NAV1: variants seen among roughly 807,000 people sequenced by gnomAD.
NAV1 encodes the protein pore membrane and/or filament interacting like protein 3.
In NAV1, 18 loss-of-function variants were observed where a neutral mutation model predicts 175.2. The observed-to-expected ratio is 0.10, with a 90% CI of 0.07 to 0.15. The LOEUF is 0.15. Among genes scored for constraint, NAV1 ranks in the 10% least tolerant of loss-of-function variants. NAV1 has a pLI of 1.00. For synonymous variants in NAV1, 897 were observed against 978.7 expected (o/e 0.92, Z 1.56); for missense variants, 1,731 against 2,436.6 (o/e 0.71, Z 6.10).
chr1:201,648,290 A>T, exon 1 of NAV1: 1 of 1,097,926 alleles, frequency 9.1e-7, no homozygotes, highest in Non-Finnish European at 1.1e-6. Context: ...TGGGATCCGG[A>T]CACCAAAGCA....
intron 1 of NAV1, among the ~76,000 whole-genome samples, chr1:201,681,075 A>G (rs1422052575): frequency 6.6e-6 from 1 of 151,856 alleles, no homozygotes; most frequent in Non-Finnish European, 1.5e-5. Context: ...TCACCCCCAT[A>G]CACTCCTCTG....
chr1:201,639,638 C>T (rs1190997966), intron 2 of NAV1, among the ~76,000 whole-genome samples: 1 of 152,120 alleles, frequency 6.6e-6, no homozygotes, highest in East Asian at 1.9e-4. Context: ...GAAGGAGGGG[C>T]CAGTTTTTTG....
At chr1:201,553,495 C>A (rs975915076) in intron 1 of NAV1, among the ~76,000 whole-genome samples, 1 of 152,224 alleles carries the variant, frequency 6.6e-6, no homozygotes, top group East Asian at 1.9e-4. Flanking sequence ...GGAGGGAATC[C>A]TTTTCTCTTC....
chr1:201,718,940 T>C lies in NAV1; in HGVS notation c.1226+185T>C, dbSNP rs1364237018. Among the ~76,000 whole-genome samples the C allele has an allele frequency of 1.3e-5, 2 of 152,020 alleles. No individual in the cohort carries two copies. The highest frequency in any genetic ancestry group is 2.9e-5 in the Non-Finnish European group (2 of 68,000). On this transcript the variant is annotated intron_variant, in intron 3 of 29. Coordinates refer to ENST00000367296, the Ensembl canonical transcript of NAV1. The surrounding 1 kb of genome is among the most constrained non-coding windows in gnomAD (Gnocchi z 4.8). ...AAATTCGATGTGGTTTATTCTAGAC[T>C]TGGGTGTGGTGTAGGCAGGGCCTAC...
intron 3 of NAV1, among the ~76,000 whole-genome samples, chr1:201,743,727 C>T (rs1358326081): frequency 1.3e-5 from 2 of 152,068 alleles, no homozygotes; most frequent in African/African-American, 2.4e-5. Context: ...TGGAACAGTT[C>T]CCAGCTTAGA....
intron 2 of NAV1, among the ~76,000 whole-genome samples, chr1:201,604,793 A>AGAAG (rs150180381): frequency 0.06 from 9,067 of 151,410 alleles, 430 homozygotes; most frequent in East Asian, 0.24. Flanking sequence ...AAAGAAGGAA[A>AGAAG]GAAGGAAGGA....
intron 2 of NAV1, among the ~76,000 whole-genome samples, chr1:201,609,717 G>A (rs1332920505): frequency 6.6e-6 from 1 of 152,170 alleles, no homozygotes; most frequent in Non-Finnish European, 1.5e-5. Context: ...TCTGCACTGA[G>A]CTCTCCCAGC....
At chr1:201,606,248 G>A (rs1478575833) in intron 2 of NAV1, among the ~76,000 whole-genome samples, 3 of 152,198 alleles carry the variant, frequency 2.0e-5, no homozygotes, top group African/African-American at 7.2e-5. Context: ...CCCTTGTGAA[G>A]GCAAGGACTT....
intron 1 of NAV1, among the ~76,000 whole-genome samples, chr1:201,681,928 A>G (rs1670481967): frequency 6.6e-6 from 1 of 152,182 alleles, no homozygotes; most frequent in Admixed American, 6.5e-5. Flanking sequence ...GAGCCTGGCC[A>G]ATGTGGTGAA....
chr1:201,696,594 T>TA (rs887887116), intron 1 of NAV1, among the ~76,000 whole-genome samples: 3 of 152,228 alleles, frequency 2.0e-5, no homozygotes, highest in African/African-American at 7.2e-5. Context: ...GGCAGTTCTG[T>TA]ATCTCATTCA....
At chr1:201,806,981 C>A (rs572179887) in intron 17 of NAV1, among the ~76,000 whole-genome samples, 3 of 152,230 alleles carry the variant, frequency 2.0e-5, no homozygotes, top group South Asian at 4.1e-4. Context: ...CCCCTATAAC[C>A]TTTGACCCCT....
At chr1:201,561,902 T>C (rs1278379346) in intron 1 of NAV1, among the ~76,000 whole-genome samples, 1 of 152,234 alleles carries the variant, frequency 6.6e-6, no homozygotes, top group Non-Finnish European at 1.5e-5. Flanking sequence ...AGCATGAGAC[T>C]ATCAATGGTT....
At chr1:201,603,954 C>T (rs1667597091) in intron 2 of NAV1, among the ~76,000 whole-genome samples, 1 of 152,226 alleles carries the variant, frequency 6.6e-6, no homozygotes, top group Non-Finnish European at 1.5e-5. Context: ...ACAAAAATAA[C>T]CGTGTGATTG....
At chr1:201,582,815 G>A (rs1666904688) in intron 1 of NAV1, among the ~76,000 whole-genome samples, 1 of 152,218 alleles carries the variant, frequency 6.6e-6, no homozygotes, top group South Asian at 2.1e-4. Flanking sequence ...CTGGTCAACA[G>A]CCCCTGCCTG....
At position 201,740,799 on chromosome 1, in the gene NAV1, G is replaced by A. The variant is rs1472292760; in HGVS notation, c.1226+22044G>A. ...AGAGGCTCCTTCATAAAGGGGAAGT[G>A]AGTGTAACCACAGCTGGCCCTGGGA... On this transcript the variant is annotated intron_variant, in intron 3 of 29. Transcript: ENST00000367296. The surrounding 1 kb of genome is among the most constrained non-coding windows in gnomAD (Gnocchi z 4.7). Among the ~76,000 whole-genome samples the A allele has an allele frequency of 6.6e-6, 1 of 152,074 alleles. No individual in the cohort carries two copies. Among genetic ancestry groups the A allele is most frequent in the Non-Finnish European group, 1.5e-5 (1 of 68,004 alleles).
In NAV1 at chr1:201,694,651, C is replaced by G. The variant is rs1032088104; in HGVS notation, c.758-18166C>G. Among the ~76,000 whole-genome samples the G allele has an allele frequency of 6.6e-6, 1 of 152,090 alleles. No homozygotes were observed. The highest frequency in any genetic ancestry group is 2.4e-5 in the African/African-American group (1 of 41,420). ...CTATTGACAAAGATGAGAAGTGAACCGGGAGCCGTAAATAGCCAGGAGCCT... is the reference window on the plus strand; with the variant it reads ...CTATTGACAAAGATGAGAAGTGAACGGGGAGCCGTAAATAGCCAGGAGCCT... On this transcript the variant is annotated intron_variant, in intron 1 of 29. Transcript: ENST00000367296. The surrounding 1 kb of genome is among the most constrained non-coding windows in gnomAD (Gnocchi z 4.2).
At chr1:201,611,310 G>A (rs1667838821) in intron 2 of NAV1, among the ~76,000 whole-genome samples, 1 of 152,174 alleles carries the variant, frequency 6.6e-6, no homozygotes, top group South Asian at 2.1e-4. Context: ...AGGAGGATGG[G>A]CTCAAATCCT....
At chr1:201,664,049 T>C (rs6662716) in intron 1 of NAV1, among the ~76,000 whole-genome samples, 3,085 of 152,218 alleles carry the variant, frequency 0.02, 107 homozygotes, top group African/African-American at 0.063. Context: ...ATTACTCTAT[T>C]GGGTTCTGGG....
chr1:201,689,742 T>TACA lies in NAV1; in HGVS notation c.758-23064_758-23062dup, dbSNP rs567607927. ...CCCTAATAAAGCACCTTTTATTAAA[T>TACA]ACAACAACAACAAAATCTCAACCTA... On this transcript the variant is annotated intron_variant, in intron 1 of 29. Transcript: ENST00000367296. 4.3e-4 allele frequency among the ~76,000 whole-genome samples: 65 copies of TACA among 152,316 alleles called. 1 individual carries two copies. The East Asian group carries it at 7.9e-3, about 19-fold the overall frequency.
Sources: gnomAD v4.1 joint callset for allele counts (sites outside exome capture counted in the v4.1 genomes callset) on GRCh38, gnomAD v4.1.1 for gene constraint, Gnocchi (gnomAD v3.1) non-coding constraint, MANE v1.5 for transcripts, NCBI Gene and HGNC (gene_info 2026-07-23, HGNC 2026-07-21) for gene names.